Variants in AUTS2 observed in about 807,000 individuals in gnomAD.
AUTS2 encodes the protein activator of transcription and developmental regulator AUTS2, also known as autism susceptibility gene 2 protein.
AUTS2 carries 17 observed loss-of-function variants against 112.4 expected under a neutral mutation model. The ratio of observed to expected loss-of-function variants is 0.15; its 90% CI spans 0.10 to 0.23. AUTS2 has a LOEUF of 0.23. AUTS2 is among the 10% of genes least tolerant of loss of function. The pLI is 1.00. For synonymous variants in AUTS2, 751 were observed against 702.7 expected (o/e 1.07, Z -1.09); for missense variants, 1,510 against 1,701.6 (o/e 0.89, Z 1.98).
At chr7:70,309,074 CTTAG>C (rs1156393574) in intron 4 of AUTS2, among the ~76,000 whole-genome samples, 1 of 152,190 alleles carries the variant, frequency 6.6e-6, no homozygotes, top group Non-Finnish European at 1.5e-5. Context: ...ATTACTGTGA[CTTAG>C]TTAGAAGTTT....
At chr7:69,641,022 C>T (rs1396885618) in intron 1 of AUTS2, among the ~76,000 whole-genome samples, 1 of 152,172 alleles carries the variant, frequency 6.6e-6, no homozygotes, top group Non-Finnish European at 1.5e-5. Flanking sequence ...AGCTAATTTA[C>T]AGTTACGGAA....
At chr7:70,623,631 C>T (rs1429246321) in intron 5 of AUTS2, among the ~76,000 whole-genome samples, 1 of 152,182 alleles carries the variant, frequency 6.6e-6, no homozygotes, top group Non-Finnish European at 1.5e-5. Context: ...TCTAGAGTCT[C>T]AACATGTCAC....
At chr7:69,912,910 A>G (rs564780869) in intron 2 of AUTS2, among the ~76,000 whole-genome samples, 1 of 152,346 alleles carries the variant, frequency 6.6e-6, no homozygotes, top group South Asian at 2.1e-4. Context: ...TTAGTGCAGC[A>G]TTATTTAGCT....
chr7:70,263,971 A>G (rs1787289653), intron 4 of AUTS2, among the ~76,000 whole-genome samples: 1 of 152,202 alleles, frequency 6.6e-6, no homozygotes, highest in African/African-American at 2.4e-5. Context: ...CCGGGGGGTC[A>G]TGTAATTTAT....
intron 5 of AUTS2, among the ~76,000 whole-genome samples, chr7:70,684,628 C>T (rs71549374): frequency 0.068 from 9,775 of 144,784 alleles, 497 homozygotes; most frequent in East Asian, 0.27. Context: ...TATGGTGTGG[C>T]GTGGTATGGT....
intron 4 of AUTS2, among the ~76,000 whole-genome samples, chr7:70,321,987 A>T (rs947560784): frequency 2.0e-5 from 3 of 152,176 alleles, no homozygotes; most frequent in Non-Finnish European, 4.4e-5. Flanking sequence ...TAGCATTTTA[A>T]TCCCCAAGTT....
At chr7:70,489,518 G>A (rs1048169919) in intron 5 of AUTS2, among the ~76,000 whole-genome samples, 6 of 152,184 alleles carry the variant, frequency 3.9e-5, no homozygotes, top group Non-Finnish European at 5.9e-5. Flanking sequence ...GTAGAGAGAC[G>A]ACAAAAATCA....
intron 4 of AUTS2, among the ~76,000 whole-genome samples, chr7:70,218,078 A>G (rs1811268812): frequency 6.6e-6 from 1 of 152,186 alleles, no homozygotes; most frequent in Non-Finnish European, 1.5e-5. Flanking sequence ...CTGCCCATGC[A>G]TACACTACTC....
intron 6 of AUTS2, among the ~76,000 whole-genome samples, chr7:70,748,257 A>C (rs968221764): frequency 6.6e-6 from 1 of 152,198 alleles, no homozygotes; most frequent in Non-Finnish European, 1.5e-5. Context: ...TAATGAAATG[A>C]AGTAATGGCA....
intron 2 of AUTS2, among the ~76,000 whole-genome samples, chr7:70,020,811 G>A (rs1026955514): frequency 6.6e-6 from 1 of 151,860 alleles, no homozygotes; most frequent in Non-Finnish European, 1.5e-5. Context: ...AGCCTCCCAA[G>A]TAGCTAGGAT....
intron 5 of AUTS2, among the ~76,000 whole-genome samples, chr7:70,628,280 A>G (rs1805057758): frequency 1.7e-5 from 2 of 114,918 alleles, no homozygotes; most frequent in African/African-American, 3.4e-5. Flanking sequence ...GAGGGGCCAC[A>G]TGTTGGGCTT....
At chr7:70,786,877 C>T (rs996780859) in intron 17 of AUTS2, 16 of 398,538 alleles carry the variant, frequency 4.0e-5, no homozygotes, top group Admixed American at 1.6e-4. Context: ...CATCATAACA[C>T]ACCCTTCTGC....
intron 6 of AUTS2, 45 bp from the exon 7 acceptor site, chr7:70,762,825 C>T (rs779781199): frequency 3.5e-5 from 48 of 1,385,210 alleles, no homozygotes; most frequent in Non-Finnish European, 4.6e-5. Context: ...ATGCCACACT[C>T]GCATGTCATT....
intron 5 of AUTS2, among the ~76,000 whole-genome samples, chr7:70,480,436 A>G (rs1380756193): frequency 2.0e-5 from 3 of 152,220 alleles, no homozygotes; most frequent in African/African-American, 7.2e-5. Flanking sequence ...TTATTTTGAC[A>G]GAAGAGTCAC....
intron 4 of AUTS2, among the ~76,000 whole-genome samples, chr7:70,363,688 T>C (rs1232199378): frequency 6.6e-6 from 1 of 152,196 alleles, no homozygotes; most frequent in Non-Finnish European, 1.5e-5. Flanking sequence ...GTTCTACATA[T>C]ATTGCTACCC....
chr7:70,384,619 C>G (rs918868954), intron 4 of AUTS2, among the ~76,000 whole-genome samples: 7 of 152,160 alleles, frequency 4.6e-5, no homozygotes, highest in Admixed American at 2.0e-4. Context: ...GGGAAAAGAG[C>G]CCTCAGGTTT....
At chr7:69,600,096 G>A in intron 1 of AUTS2, 134 bp downstream of exon 1, 10 of 1,039,978 alleles carry the variant, frequency 9.6e-6, no homozygotes, top group Non-Finnish European at 1.4e-5. Context: ...CTAGGCTGAG[G>A]TCTTATTGTT....
intron 3 of AUTS2, among the ~76,000 whole-genome samples, chr7:70,134,332 G>A (rs772853911): frequency 6.6e-6 from 1 of 152,156 alleles, no homozygotes; most frequent in Non-Finnish European, 1.5e-5. Context: ...TAGCACGTTA[G>A]CATCTCTGAG....
intron 4 of AUTS2, among the ~76,000 whole-genome samples, chr7:70,167,520 A>T (rs1358912266): frequency 6.6e-6 from 1 of 152,228 alleles, no homozygotes; most frequent in East Asian, 1.9e-4. Flanking sequence ...GTTAACACAG[A>T]TTAGGAAGGA....
Sources: allele counts gnomAD v4.1 joint callset (sites outside exome capture counted in the v4.1 genomes callset), GRCh38; gene constraint gnomAD v4.1.1; transcripts MANE v1.5; gene names NCBI Gene and HGNC (gene_info 2026-07-23, HGNC 2026-07-21).